Variants in CAPN9 observed in about 807,000 individuals in gnomAD.
The protein encoded by CAPN9 is calpain-9.
Under a neutral mutation model 92.8 loss-of-function variants are expected in CAPN9, and 81 were observed. The observed-to-expected ratio is 0.87, with a 90% CI of 0.73 to 1.05. The LOEUF (loss-of-function observed/expected upper bound fraction) is 1.05. CAPN9 is among the 50% of genes least tolerant of loss of function. The probability of loss-of-function intolerance (pLI) is 0.00; values close to 1 mark genes in which losing one functional copy is unlikely to be tolerated. For missense variants in CAPN9, 848 were observed against 866.2 expected, an observed-to-expected ratio of 0.98 and a Z score of 0.26; for synonymous variants, 304 against 328.0, an observed-to-expected ratio of 0.93 and a Z score of 0.79.
intron 12 of CAPN9, chr1:230,786,329 AT>A: frequency 4.7e-6 from 1 of 214,472 alleles, no homozygotes; most frequent in Non-Finnish European, 8.0e-6. Context: ...AAAGCTATTT[AT>A]TTAGGGATAA....
chr1:230,774,740 T>A, intron 8 of CAPN9, 109 bp downstream of exon 8: 7 of 80,764 alleles, frequency 8.7e-5, no homozygotes, highest in Non-Finnish European at 1.6e-4. Flanking sequence ...TCTTTCTTTC[T>A]TTTTTTTTTT....
At chr1:230,795,317 G>GACTGAAGATGCCACCCC in intron 18 of CAPN9, 38 bp downstream of exon 18, 1 of 1,266,770 alleles carries the variant, frequency 7.9e-7, no homozygotes, top group Non-Finnish European at 1.2e-6. Flanking sequence ...ACCTCGGGGT[G>GACTGAAGATGCCACCCC]GCATCTTCAG....
chr1:230,751,967 A>G (rs1173307737), intron 1 of CAPN9, among the ~76,000 whole-genome samples: 1 of 152,120 alleles, frequency 6.6e-6, no homozygotes, highest in East Asian at 1.9e-4. Flanking sequence ...GACACCTCTG[A>G]TCGTCCTATC....
intron 18 of CAPN9, among the ~76,000 whole-genome samples, 175 bp from the exon 19 acceptor site, chr1:230,797,987 C>T (rs1024047335): frequency 2.6e-5 from 4 of 152,118 alleles, no homozygotes; most frequent in African/African-American, 9.7e-5. Flanking sequence ...AGAAGTTCAC[C>T]TTCAGCCCGC....
intron 4 of CAPN9, among the ~76,000 whole-genome samples, chr1:230,764,442 T>C (rs1251297331): frequency 6.6e-6 from 1 of 152,248 alleles, no homozygotes; most frequent in African/African-American, 2.4e-5. Flanking sequence ...GGACTCAAAC[T>C]GAATGATACC....
intron 13 of CAPN9, 42 bp downstream of exon 13, chr1:230,787,644 C>A: frequency 1.3e-6 from 2 of 1,540,258 alleles, no homozygotes; most frequent in Non-Finnish European, 1.8e-6. Flanking sequence ...AGGCTGAGGG[C>A]CTGGACCTGC....
chr1:230,775,380 C>T (rs996832588), intron 8 of CAPN9, among the ~76,000 whole-genome samples: 3 of 152,198 alleles, frequency 2.0e-5, no homozygotes, highest in Admixed American at 6.5e-5. Flanking sequence ...TATCGACCTA[C>T]GTAGGAAGTA....
Position 230,794,934 on chromosome 1 carries a change from T to C in CAPN9, c.1871-229T>C, listed in dbSNP as rs144164697. Among the ~76,000 whole-genome samples, 14 of 152,300 alleles carry C rather than the reference T, an allele frequency of 9.2e-5. 1 individual carries two copies. In the East Asian group the frequency reaches 2.7e-3, roughly 29 times the overall value. On this transcript the variant is annotated intron_variant, in intron 17 of 19. Coordinates refer to ENST00000271971, the MANE Select transcript of CAPN9 (RefSeq NM_006615.3). ...AGCCATTAAACACAGAAAGCACGCC[T>C]GAGAGTCCCCCGCACACTCGCCCCT... is the stretch of plus-strand genomic sequence containing the variant.
At chr1:230,764,920 C>CAT (rs1665875153) in intron 4 of CAPN9, among the ~76,000 whole-genome samples, 1 of 152,092 alleles carries the variant, frequency 6.6e-6, no homozygotes, top group South Asian at 2.1e-4. Context: ...TTATCATACA[C>CAT]ATATATATTG....
chr1:230,797,183 G>A (rs191143865), intron 18 of CAPN9, among the ~76,000 whole-genome samples: 4 of 152,172 alleles, frequency 2.6e-5, no homozygotes, highest in African/African-American at 9.6e-5. Context: ...AAATTCGCCA[G>A]GTGTTTCCAG....
chr1:230,793,039 GC>G, intron 17 of CAPN9, 111 bp downstream of exon 17: 1 of 811,530 alleles, frequency 1.2e-6, no homozygotes, highest in Non-Finnish European at 2.1e-6. Context: ...GGGCCTCTGA[GC>G]CCAGTTGGTG....
At chr1:230,769,019 A>T (rs1322621724) in intron 5 of CAPN9, among the ~76,000 whole-genome samples, 161 bp from the exon 6 acceptor site, 1 of 152,190 alleles carries the variant, frequency 6.6e-6, no homozygotes, top group African/African-American at 2.4e-5. Context: ...ACTGCTAAAC[A>T]TCCTAGGGGA....
chr1:230,755,418 T>C lies in CAPN9; in HGVS notation c.283+12T>C. The C allele has an allele frequency of 3.8e-6, 6 of 1,596,204 alleles. No homozygotes were observed. The highest frequency in any genetic ancestry group is 5.1e-6 in the Non-Finnish European group (6 of 1,171,076). On this transcript the variant is annotated intron_variant, in intron 2 of 19. Coordinates refer to ENST00000271971, the MANE Select transcript of CAPN9 (RefSeq NM_006615.3). The stretch of plus-strand genomic sequence containing the variant: ...CCAGGGAGAGCTGGGTGAGTGTAAG[T>C]GGATGGAGCATGGCGAGAGGGAGGT...
chr1:230,777,576 AC>A (rs1666895639), intron 8 of CAPN9, among the ~76,000 whole-genome samples: 1 of 150,640 alleles, frequency 6.6e-6, no homozygotes, highest in Non-Finnish European at 1.5e-5. Flanking sequence ...CTCTTGACCC[AC>A]TCAAGTGACC....
In CAPN9 at chr1:230,762,973, C is replaced by A. The variant is rs143862663; in HGVS notation, c.536+187C>A. The stretch of plus-strand genomic sequence containing the variant: ...GTTTTCCTGTCGTAGCCTAGATGTG[C>A]CCATCTTTGGGAGCAGTGGCTACAT... On this transcript the variant is annotated intron_variant, in intron 4 of 19. Coordinates refer to ENST00000271971, the MANE Select transcript of CAPN9 (RefSeq NM_006615.3). 2.2e-3 allele frequency among the ~76,000 whole-genome samples: 328 copies of A among 152,256 alleles called. 2 individuals are homozygous for A. Among genetic ancestry groups the A allele is most frequent in the African/African-American group, 7.7e-3 (319 of 41,552 alleles).
At chr1:230,800,049 G>T (rs972120994) in intron 19 of CAPN9, among the ~76,000 whole-genome samples, 12 of 151,914 alleles carry the variant, frequency 7.9e-5, no homozygotes, top group Admixed American at 6.6e-4. Flanking sequence ...ATGGTGGCGG[G>T]CGCCTGTAGT....
intron 5 of CAPN9, among the ~76,000 whole-genome samples, chr1:230,768,400 C>G (rs1377498406): frequency 6.6e-6 from 1 of 152,206 alleles, no homozygotes; most frequent in African/African-American, 2.4e-5. Context: ...CAGCTCCACC[C>G]TGGGACTGGG....
In CAPN9 at chr1:230,772,037, C is replaced by T. The variant is rs148793642; in HGVS notation, c.813C>T (p.Ile271=). ...AGGTAAGCTTCCGAGGCCAGAGAAT[C>T]GAGCTCATCCGAATCCGGAACCCTT... ...IDQVSFRGQR[I]ELIRIRNPWG... Residue 271 remains isoleucine, a synonymous_variant, in exon 7 of 20, where the codon ATC becomes ATT. Coordinates refer to ENST00000271971, the MANE Select transcript of CAPN9 (RefSeq NM_006615.3). 1.2e-4 allele frequency: 194 copies of T among 1,614,208 alleles called. No individual in the cohort carries two copies. Among genetic ancestry groups the T allele is most frequent in the East Asian group, 7.1e-4 (32 of 44,880 alleles).
In CAPN9 at chr1:230,751,648, AAAGAAAGAAAGAAAGAAAGAAAGAAAG is replaced by A. The variant is rs1664831250; in HGVS notation, c.214-3686_214-3660del. ...GAAAGAAAGAAAGAAAGAAAGAAAG[AAAGAAAGAAAGAAAGAAAGAAAGAAAG>A]AAAGAAAGAAGGGTGGCTTTTCCCT... is the stretch of plus-strand genomic sequence containing the variant. On this transcript the variant is annotated intron_variant, in intron 1 of 19. Transcript: ENST00000271971. Among the ~76,000 whole-genome samples the A allele has an allele frequency of 4.6e-5, 4 of 87,670 alleles. No individual in the cohort carries two copies. In the South Asian group the frequency reaches 1.3e-3, roughly 28 times the overall value. The allele number at this position is 87,670 out of a possible 152,430, so 57.5% of individuals were successfully genotyped here.
Sources: gnomAD v4.1 joint callset for allele counts (sites outside exome capture counted in the v4.1 genomes callset) on GRCh38, gnomAD v4.1.1 for gene constraint, MANE v1.5 for transcripts, NCBI Gene and HGNC (gene_info 2026-07-23, HGNC 2026-07-21) for gene names.